Variants in XIRP2 observed in about 807,000 individuals in gnomAD.
The protein encoded by XIRP2 is xin actin-binding repeat-containing protein 2.
In XIRP2, 236 loss-of-function variants were observed where a neutral mutation model predicts 277.0. The ratio of observed to expected loss-of-function variants is 0.85; its 90% CI spans 0.77 to 0.95. XIRP2 has a LOEUF of 0.95. Among genes scored for constraint, XIRP2 ranks in the 40% least tolerant of loss-of-function variants. The pLI is 0.00. For synonymous variants in XIRP2, 1,490 were observed against 1,416.5 expected (o/e 1.05, Z -1.17); for missense variants, 4,640 against 4,157.5 (o/e 1.12, Z -3.19).
intron 2 of XIRP2, among the ~76,000 whole-genome samples, chr2:166,959,814 A>G (rs978402392): frequency 6.6e-6 from 1 of 151,754 alleles, no homozygotes; most frequent in Admixed American, 6.6e-5. Flanking sequence ...AGAGGATACA[A>G]TCACAGTGAC....
intron 5 of XIRP2, among the ~76,000 whole-genome samples, chr2:167,231,235 T>C (rs949196500): frequency 6.6e-6 from 1 of 152,006 alleles, no homozygotes; most frequent in Non-Finnish European, 1.5e-5. Context: ...TGAAAAGGAC[T>C]GATGGCCATA....
Position 166,903,647 on chromosome 2 carries a change from A to G in XIRP2, c.165A>G (p.Gln55=). ...AAGGAGAGGTAGTATCAGCACCTCA[A>G]TCTTTGGATCCCACAAGTCTGCCCT... ...APEGEVVSAP[Q]SLDPTSLPYS... The change falls in exon 2 of 11, where the codon CAA becomes CAG. Residue 55 remains glutamine (Q), a synonymous_variant. Transcript: ENST00000409195. 3 of 1,613,648 alleles carry G rather than the reference A, an allele frequency of 1.9e-6. No individual in the cohort carries two copies. Among genetic ancestry groups the G allele is most frequent in the Non-Finnish European group, 2.5e-6 (3 of 1,179,774 alleles).
chr2:167,246,366 TG>T lies in XIRP2; in HGVS notation c.4975del (p.Val1659TyrfsTer5). 6.2e-7 allele frequency: 1 copy of T among 1,613,216 alleles called. No homozygotes were observed. On this transcript the variant is annotated frameshift_variant, in exon 9 of 11. Transcript: ENST00000409195. LOFTEE classifies it high-confidence loss of function. ...AEKEEIVKGD[V>X]QQAIKNLFSE... ...AAAAAGAAGAGATAGTGAAAGGTGA[TG>T]TACAACAAGCAATAAAAAACCTGTT...
chr2:167,202,288 G>A (rs894497186), intron 3 of XIRP2, among the ~76,000 whole-genome samples: 1 of 152,098 alleles, frequency 6.6e-6, no homozygotes, highest in Non-Finnish European at 1.5e-5. Context: ...TTTAAGAGCA[G>A]TATGATTAGA....
intron 3 of XIRP2, chr2:167,187,612 G>A: frequency 1.1e-6 from 1 of 892,622 alleles, no homozygotes; most frequent in Non-Finnish European, 1.3e-6. Context: ...GGTCAATGAA[G>A]ACCATAGGTC....
At chr2:167,202,711 C>T (rs1559019088) in intron 3 of XIRP2, among the ~76,000 whole-genome samples, 1 of 152,168 alleles carries the variant, frequency 6.6e-6, no homozygotes, top group African/African-American at 2.4e-5. Context: ...ACAGTGAATG[C>T]TTGTATCAGT....
At chr2:167,232,543 C>G (rs1008359884) in intron 5 of XIRP2, among the ~76,000 whole-genome samples, 2 of 151,896 alleles carry the variant, frequency 1.3e-5, no homozygotes, top group Admixed American at 6.6e-5. Flanking sequence ...TAGCTGAACT[C>G]TAGTTTTACT....
intron 3 of XIRP2, 121 bp from the exon 4 acceptor site, chr2:167,210,614 T>C: frequency 7.6e-7 from 1 of 1,307,710 alleles, no homozygotes; most frequent in Non-Finnish European, 1.1e-6. Context: ...GAAAATATTG[T>C]GAAATGCTAC....
rs1695197570 is a variant in XIRP2 at position 167,244,862 on chromosome 2, T to A, written c.3470T>A (p.Ile1157Asn). The A allele has an allele frequency of 6.2e-7, 1 of 1,613,576 alleles. No individual in the cohort carries two copies. The highest frequency in any genetic ancestry group is 1.3e-5 in the African/African-American group (1 of 74,858). The change falls in exon 9 of 11, where the codon ATC becomes AAC. Residue 1157 changes from isoleucine to asparagine, a missense_variant. Ile to Asn is a moderately radical substitution (Grantham distance 149). Coordinates refer to ENST00000409195, the MANE Select transcript of XIRP2 (RefSeq NM_152381.6). ...TTGCAAACTGTAAAACAGGAGGAGA[T>A]CCAAGGTGGGGATGTTCGTACAGCA... ...VKLQTVKQEE[I>N]QGGDVRTACF...
In XIRP2 at chr2:167,086,521, A is replaced by G. The variant is rs1037209438; in HGVS notation, c.409-49388A>G. Among the ~76,000 whole-genome samples the G allele has an allele frequency of 4.6e-5, 7 of 151,638 alleles. No homozygotes were observed. In the South Asian group the frequency reaches 8.3e-4, roughly 18 times the overall value. ...CTAGATTGGGGAAGTTCTCCTGGATAATATCCTGCAGAGTGTTTTCCAACT... is the reference window on the plus strand; with the variant it reads ...CTAGATTGGGGAAGTTCTCCTGGATGATATCCTGCAGAGTGTTTTCCAACT... On this transcript the variant is annotated intron_variant, in intron 2 of 10. Coordinates refer to ENST00000409195, the MANE Select transcript of XIRP2 (RefSeq NM_152381.6).
intron 3 of XIRP2, among the ~76,000 whole-genome samples, chr2:167,136,813 C>G (rs990121593): frequency 6.6e-6 from 1 of 152,102 alleles, no homozygotes; most frequent in Non-Finnish European, 1.5e-5. Flanking sequence ...TTTAAGATAT[C>G]GTTTGGAATA....
In XIRP2 at chr2:167,245,642, A is replaced by G. The variant is rs748010523; in HGVS notation, c.4250A>G (p.Asn1417Ser). The stretch of plus-strand genomic sequence containing the variant: ...AGTATTGACCATATACAAGGTGGCA[A>G]TGTAAAGACAAGTAGACAATTCTTT... ...MPSIDHIQGG[N>S]VKTSRQFFES... is the part of the protein sequence containing the mutation. Residue 1417 changes from asparagine (N) to serine (S), a missense_variant, in exon 9 of 11, where the codon AAT (asparagine) becomes AGT (serine). Asn to Ser is a conservative substitution (Grantham distance 46, BLOSUM62 1). Coordinates refer to ENST00000409195, the MANE Select transcript of XIRP2 (RefSeq NM_152381.6). 1.2e-6 allele frequency: 2 copies of G among 1,613,638 alleles called. No homozygotes were observed. Among genetic ancestry groups the G allele is most frequent in the Admixed American group, 1.7e-5 (1 of 59,966 alleles).
chr2:167,000,604 C>A (rs972798699), intron 2 of XIRP2, among the ~76,000 whole-genome samples: 4 of 151,122 alleles, frequency 2.6e-5, no homozygotes, highest in Non-Finnish European at 5.9e-5. Context: ...ATGTTTGTGG[C>A]CATGGATGTC....
At chr2:166,943,209 A>G (rs1574101755) in intron 2 of XIRP2, among the ~76,000 whole-genome samples, 1 of 152,190 alleles carries the variant, frequency 6.6e-6, no homozygotes, top group Non-Finnish European at 1.5e-5. Context: ...GCCTAATAAT[A>G]TAATAGAAAT....
At chr2:167,239,197 A>G (rs1416640390) in intron 5 of XIRP2, among the ~76,000 whole-genome samples, 2 of 152,180 alleles carry the variant, frequency 1.3e-5, no homozygotes, top group African/African-American at 4.8e-5. Context: ...CAAAAAAAAT[A>G]CATATATATT....
At chr2:166,977,928 CTCTATG>C in intron 2 of XIRP2, among the ~76,000 whole-genome samples, 1 of 152,138 alleles carries the variant, frequency 6.6e-6, no homozygotes, top group Non-Finnish European at 1.5e-5. Flanking sequence ...AGAAAGCTTT[CTCTATG>C]TCTAAGTCAT....
intron 5 of XIRP2, among the ~76,000 whole-genome samples, chr2:167,237,344 CAG>C (rs1309717585): frequency 6.6e-6 from 1 of 152,118 alleles, no homozygotes; most frequent in Non-Finnish European, 1.5e-5. Flanking sequence ...TTTCTCAACA[CAG>C]AGATTTATGT....
intron 5 of XIRP2, among the ~76,000 whole-genome samples, chr2:167,232,152 T>C (rs73029744): frequency 6.6e-6 from 1 of 152,146 alleles, no homozygotes; most frequent in South Asian, 2.1e-4. Flanking sequence ...TGTTTTTTAC[T>C]GTCAAAATGG....
At chr2:167,089,532 T>G (rs1452492145) in intron 2 of XIRP2, among the ~76,000 whole-genome samples, 1 of 152,146 alleles carries the variant, frequency 6.6e-6, no homozygotes, top group Non-Finnish European at 1.5e-5. Context: ...CGCATGAGGG[T>G]CAAGATTTAA....
Sources: gnomAD v4.1 joint callset for allele counts (sites outside exome capture counted in the v4.1 genomes callset) on GRCh38, gnomAD v4.1.1 for gene constraint, MANE v1.5 for transcripts, NCBI Gene and HGNC (gene_info 2026-07-23, HGNC 2026-07-21) for gene names.